The following SPIDR variants were observed in gnomAD, a reference collection of about 807,000 sequenced individuals.
SPIDR encodes DNA repair-scaffolding protein.
In SPIDR, 93 loss-of-function variants were observed where a neutral mutation model predicts 104.6. The observed-to-expected ratio is 0.89, with a 90% CI of 0.75 to 1.06. SPIDR has a LOEUF of 1.06. Among genes scored for constraint, SPIDR ranks in the 50% least tolerant of loss-of-function variants. The pLI, the probability that SPIDR is intolerant of heterozygous loss-of-function variation, is 0.00. For synonymous variants in SPIDR, 431 were observed against 416.9 expected (o/e 1.03, Z -0.41); for missense variants, 1,154 against 1,111.2 (o/e 1.04, Z -0.55).
At chr8:47,280,348 G>A (rs1426569254) in intron 2 of SPIDR, among the ~76,000 whole-genome samples, 5 of 150,478 alleles carry the variant, frequency 3.3e-5, no homozygotes, top group African/African-American at 1.2e-4. Flanking sequence ...TTGCCTCAGC[G>A]TGTCAAATAG....
At chr8:47,390,054 G>A (rs990448836) in intron 5 of SPIDR, among the ~76,000 whole-genome samples, 3 of 152,088 alleles carry the variant, frequency 2.0e-5, no homozygotes, top group East Asian at 1.9e-4. Flanking sequence ...TCTGGGATGT[G>A]CACACTTAAG....
chr8:47,733,157 C>T (rs965390610), intron 19 of SPIDR, among the ~76,000 whole-genome samples: 1 of 152,180 alleles, frequency 6.6e-6, no homozygotes, highest in African/African-American at 2.4e-5. Context: ...GAGGCCCAGT[C>T]GGGCAGATCA....
At position 47,407,959 on chromosome 8, in the gene SPIDR, C is replaced by T; in HGVS notation, c.875C>T (p.Ser292Leu). The change falls in exon 7 of 20, where the codon TCA becomes TTA. Residue 292 changes from serine (S) to leucine (L), a missense_variant and splice_region_variant. Physicochemically the swap from Ser to Leu is moderately radical, Grantham distance 145. Coordinates refer to ENST00000297423, the MANE Select transcript of SPIDR (RefSeq NM_001080394.4). ...HQCISYQKTL[S>L]GRKSGVLTVK... The stretch of plus-strand genomic sequence containing the variant: ...TGTATTTCTTACCAAAAGACACTTT[C>T]AGGTAAGGCTTGTGCAGGAATCTGA... The T allele has an allele frequency of 6.4e-7, 1 of 1,561,644 alleles. No individual in the cohort carries two copies. The highest frequency in any genetic ancestry group is 8.8e-7 in the Non-Finnish European group (1 of 1,142,802).
intron 8 of SPIDR, among the ~76,000 whole-genome samples, chr8:47,450,911 C>T (rs1554705502): frequency 6.6e-6 from 1 of 152,190 alleles, no homozygotes; most frequent in East Asian, 1.9e-4. Flanking sequence ...TTCCAGTCTT[C>T]AGCAGGTAAG....
At chr8:47,280,604 G>C (rs2037573761) in intron 2 of SPIDR, among the ~76,000 whole-genome samples, 2 of 152,130 alleles carry the variant, frequency 1.3e-5, no homozygotes, top group Non-Finnish European at 2.9e-5. Flanking sequence ...TGTTGGCCAG[G>C]CTGGTTTGGA....
At chr8:47,354,834 G>A (rs1451813980) in intron 5 of SPIDR, among the ~76,000 whole-genome samples, 2 of 151,476 alleles carry the variant, frequency 1.3e-5, no homozygotes, top group African/African-American at 4.9e-5. Context: ...TAGAGATGGT[G>A]GTCTTGCTGT....
intron 8 of SPIDR, among the ~76,000 whole-genome samples, chr8:47,484,988 C>T (rs10110049): frequency 0.028 from 4,255 of 152,226 alleles, 213 homozygotes; most frequent in African/African-American, 0.095. Flanking sequence ...TTGGGCTTGT[C>T]GGACACTGGG....
At chr8:47,403,381 A>C (rs1312851619) in intron 6 of SPIDR, among the ~76,000 whole-genome samples, 1 of 152,214 alleles carries the variant, frequency 6.6e-6, no homozygotes, top group Non-Finnish European at 1.5e-5. Flanking sequence ...AAAGAAATAA[A>C]GGGTGTTCAG....
intron 7 of SPIDR, among the ~76,000 whole-genome samples, chr8:47,422,403 C>T (rs1047891179): frequency 3.2e-4 from 48 of 152,322 alleles, no homozygotes; most frequent in East Asian, 3.9e-4. Context: ...TAGGACCCTC[C>T]GAGCCACGTG....
chr8:47,261,861 A>G (rs1466363053), intron 1 of SPIDR, among the ~76,000 whole-genome samples: 1 of 152,236 alleles, frequency 6.6e-6, no homozygotes, highest in Non-Finnish European at 1.5e-5. Flanking sequence ...TCTTGATTAT[A>G]AGATACAGTC....
rs1328696638 is a variant in SPIDR, at chr8:47,735,473, C to A, written c.*23C>A. 6.2e-7 allele frequency: 1 copy of A among 1,613,892 alleles called. No individual in the cohort carries two copies. The highest frequency in any genetic ancestry group is 8.5e-7 in the Non-Finnish European group (1 of 1,180,036). On this transcript the variant is annotated 3_prime_UTR_variant, in exon 20 of 20. Coordinates refer to ENST00000297423, the MANE Select transcript of SPIDR (RefSeq NM_001080394.4). The stretch of plus-strand genomic sequence containing the variant: ...TAGCGGTTGCCGCAGGATCTGTGAA[C>A]TTTGCAATGTGGCTGCAAGGGTGGT...
intron 8 of SPIDR, among the ~76,000 whole-genome samples, chr8:47,446,736 G>A (rs189146533): frequency 9.4e-4 from 143 of 152,056 alleles, no homozygotes; most frequent in African/African-American, 3.3e-3. Context: ...ACAGGTGTGC[G>A]CCACCACGCC....
At chr8:47,268,579 G>A (rs375304958) in intron 1 of SPIDR, among the ~76,000 whole-genome samples, 45 of 152,150 alleles carry the variant, frequency 3.0e-4, no homozygotes, top group African/African-American at 1.1e-3. Context: ...ATGCTATTTT[G>A]AATGCAGTTC....
At chr8:47,708,691 AT>A (rs2081420120) in intron 14 of SPIDR, among the ~76,000 whole-genome samples, 1 of 152,056 alleles carries the variant, frequency 6.6e-6, no homozygotes, top group Non-Finnish European at 1.5e-5. Context: ...CTCCCCACAA[AT>A]CCCTGGCAAA....
chr8:47,692,460 C>G (rs931079539), intron 11 of SPIDR, among the ~76,000 whole-genome samples: 9 of 150,072 alleles, frequency 6.0e-5, no homozygotes, highest in African/African-American at 2.2e-4. Context: ...TAAGGTCCAT[C>G]CATGATGTAA....
intron 10 of SPIDR, among the ~76,000 whole-genome samples, chr8:47,607,636 A>G (rs1039757579): frequency 2.5e-4 from 38 of 151,944 alleles, no homozygotes; most frequent in African/African-American, 8.7e-4. Context: ...GATATTTTCA[A>G]AAGAAATCTA....
intron 8 of SPIDR, among the ~76,000 whole-genome samples, chr8:47,490,033 A>G (rs1218804874): frequency 4.6e-5 from 7 of 152,248 alleles, no homozygotes; most frequent in African/African-American, 7.2e-5. Context: ...GCTTCTGCAC[A>G]GCAAAAGAAA....
Position 47,583,406 on chromosome 8 carries a change from C to G in SPIDR, c.1098-12405C>G, listed in dbSNP as rs78564554. Among the ~76,000 whole-genome samples, 723 of 151,726 alleles carry G rather than the reference C, an allele frequency of 4.8e-3. 5 individuals are homozygous for G. The highest frequency in any genetic ancestry group is 0.017 in the African/African-American group (686 of 41,392). The stretch of plus-strand genomic sequence containing the variant: ...TGACTTATCACGTGAGATTTAACAA[C>G]TTAGGTTTTGTTCTTAGTTTCAGTT... On this transcript the variant is annotated intron_variant, in intron 8 of 19. Transcript: ENST00000297423.
intron 8 of SPIDR, among the ~76,000 whole-genome samples, chr8:47,560,478 C>G (rs1056733148): frequency 6.6e-6 from 1 of 152,170 alleles, no homozygotes; most frequent in Admixed American, 6.5e-5. Context: ...CCTCAGTTCC[C>G]TGAAAAGCCT....
Sources: gnomAD v4.1 joint callset for allele counts (sites outside exome capture counted in the v4.1 genomes callset) on GRCh38, gnomAD v4.1.1 for gene constraint, MANE v1.5 for transcripts, NCBI Gene and HGNC (gene_info 2026-07-23, HGNC 2026-07-21) for gene names.